ZFHX3: variants seen among roughly 807,000 people sequenced by gnomAD.
The protein encoded by ZFHX3 is zinc finger homeobox protein 3.
ZFHX3 carries 42 observed loss-of-function variants against 279.1 expected under a neutral mutation model. The ratio of observed to expected loss-of-function variants is 0.15; its 90% CI spans 0.12 to 0.19. The LOEUF (loss-of-function observed/expected upper bound fraction) is 0.19, where lower values mean the gene tolerates loss of function less well. Ranked by LOEUF, ZFHX3 falls within the 10% of genes least tolerant of loss-of-function variation. The pLI, the probability that ZFHX3 is intolerant of heterozygous loss-of-function variation, is 1.00. For missense variants in ZFHX3, 4,981 were observed against 4,754.0 expected, an observed-to-expected ratio of 1.05 and a Z score of -1.40; for synonymous variants, 2,293 against 1,957.8, an observed-to-expected ratio of 1.17 and a Z score of -4.52.
At chr16:73,653,489 A>G (rs930639560) in intron 2 of ZFHX3, among the ~76,000 whole-genome samples, 1 of 152,210 alleles carries the variant, frequency 6.6e-6, no homozygotes, top group Non-Finnish European at 1.5e-5. Flanking sequence ...GTTCTAAATA[A>G]CTATGGCTCA....
chr16:73,019,726 C>T (rs1964236123), intron 1 of ZFHX3, among the ~76,000 whole-genome samples: 1 of 152,160 alleles, frequency 6.6e-6, no homozygotes, highest in South Asian at 2.1e-4. Flanking sequence ...CCTAGAGAGC[C>T]TTCTCCGCTC....
chr16:73,407,562 G>A (rs567915901), intron 3 of ZFHX3, among the ~76,000 whole-genome samples: 94 of 152,304 alleles, frequency 6.2e-4, no homozygotes, highest in African/African-American at 2.0e-3. Context: ...ACAGCATGAG[G>A]GAGTGGCAGG....
At chr16:73,495,901 C>A (rs1366871348) in intron 2 of ZFHX3, among the ~76,000 whole-genome samples, 1 of 152,190 alleles carries the variant, frequency 6.6e-6, no homozygotes, top group Non-Finnish European at 1.5e-5. Context: ...TGTTTTCTTG[C>A]ATTTTAATTT....
At chr16:73,106,194 A>G (rs1302308227) in intron 7 of ZFHX3, among the ~76,000 whole-genome samples, 2 of 152,080 alleles carry the variant, frequency 1.3e-5, no homozygotes, top group African/African-American at 2.4e-5. Flanking sequence ...AAGATCTAGG[A>G]GCAAGGATCT....
rs547967719 is a variant in ZFHX3 at position 72,952,379 on chromosome 16, G to A, written c.2720-1414C>T. Among the ~76,000 whole-genome samples the A allele has an allele frequency of 2.6e-5, 4 of 152,254 alleles. No individual in the cohort carries two copies. The South Asian group carries it at 8.3e-4, about 32-fold the overall frequency. On this transcript the variant is annotated intron_variant, in intron 2 of 9. Transcript: ENST00000268489. ...AGTAGGGCTACCTGTTCTCTTTCCT[G>A]ATCCTCTGCCCTGGGTGACATGTGG...
intron 3 of ZFHX3, among the ~76,000 whole-genome samples, chr16:73,455,830 A>G (rs2018361973): frequency 1.3e-5 from 2 of 151,148 alleles, no homozygotes; most frequent in East Asian, 1.9e-4. Context: ...AGGGGGCCCA[A>G]TTGGAGCAAT....
At chr16:73,318,395 C>A (rs1175024980) in intron 3 of ZFHX3, 1 of 152,288 alleles carries the variant, frequency 6.6e-6, no homozygotes, top group South Asian at 2.1e-4. Context: ...CAGCTTCTCT[C>A]CCCTGGACCT....
chr16:73,814,284 C>T (rs1161154724), intron 1 of ZFHX3, among the ~76,000 whole-genome samples: 1 of 152,100 alleles, frequency 6.6e-6, no homozygotes, highest in Non-Finnish European at 1.5e-5. Context: ...GATTCTCTTT[C>T]TTACTGTAAA....
intron 1 of ZFHX3, among the ~76,000 whole-genome samples, chr16:73,760,331 G>A (rs369353772): frequency 1.2e-4 from 19 of 152,194 alleles, no homozygotes; most frequent in Admixed American, 5.9e-4. Context: ...AGGACCAGAC[G>A]GATTTACAGC....
chr16:73,694,385 C>G (rs2053176284), intron 1 of ZFHX3, among the ~76,000 whole-genome samples: 1 of 151,830 alleles, frequency 6.6e-6, no homozygotes, highest in Non-Finnish European at 1.5e-5. Flanking sequence ...GCTCTGTCGC[C>G]CAGGCTGGAG....
intron 1 of ZFHX3, among the ~76,000 whole-genome samples, chr16:73,787,649 G>T (rs76773594): frequency 0.035 from 5,292 of 152,160 alleles, 139 homozygotes; most frequent in African/African-American, 0.071. Context: ...TTTATTATGT[G>T]GTAAATCTGA....
chr16:73,450,876 G>A (rs1458396253), intron 3 of ZFHX3, among the ~76,000 whole-genome samples: 1 of 152,116 alleles, frequency 6.6e-6, no homozygotes, highest in Admixed American at 6.5e-5. Flanking sequence ...TTAATGTAGT[G>A]TATAGAGCAT....
intron 5 of ZFHX3, among the ~76,000 whole-genome samples, chr16:73,242,519 A>G (rs977609329): frequency 6.6e-6 from 1 of 152,350 alleles, no homozygotes; most frequent in South Asian, 2.1e-4. Flanking sequence ...AGCTATGAAC[A>G]GATAATACTC....
intron 4 of ZFHX3, among the ~76,000 whole-genome samples, chr16:72,833,590 C>T (rs1228742159): frequency 1.3e-5 from 2 of 152,186 alleles, no homozygotes; most frequent in Non-Finnish European, 2.9e-5. Flanking sequence ...CCATCTTCTC[C>T]TTCAAGCATT....
intron 3 of ZFHX3, among the ~76,000 whole-genome samples, chr16:73,371,224 T>A (rs1242091348): frequency 6.6e-6 from 1 of 151,508 alleles, no homozygotes; most frequent in Non-Finnish European, 1.5e-5. Flanking sequence ...GGAGAATCAC[T>A]TGAGCCCAGG....
chr16:73,384,323 T>C (rs2016863496), intron 3 of ZFHX3, among the ~76,000 whole-genome samples: 2 of 152,192 alleles, frequency 1.3e-5, no homozygotes, highest in South Asian at 4.1e-4. Flanking sequence ...AAGCCTGAAA[T>C]ATTTATTATT....
intron 3 of ZFHX3, among the ~76,000 whole-genome samples, chr16:73,366,896 T>C (rs1158745539): frequency 6.6e-6 from 1 of 152,166 alleles, no homozygotes; most frequent in African/African-American, 2.4e-5. Flanking sequence ...CTAAAGTTCT[T>C]TGACATAGCT....
intron 5 of ZFHX3, among the ~76,000 whole-genome samples, chr16:73,250,796 A>C (rs897767945): frequency 3.3e-5 from 5 of 152,206 alleles, no homozygotes; most frequent in African/African-American, 1.2e-4. Flanking sequence ...AGGCTCCCAA[A>C]GTGCTGGGAT....
chr16:73,446,144 T>C (rs899010525), intron 3 of ZFHX3, among the ~76,000 whole-genome samples: 7 of 152,154 alleles, frequency 4.6e-5, no homozygotes, highest in Admixed American at 3.3e-4. Context: ...TGTGGAATCT[T>C]AAGTCTGAGG....
Sources: allele counts gnomAD v4.1 joint callset (sites outside exome capture counted in the v4.1 genomes callset), GRCh38; gene constraint gnomAD v4.1.1; transcripts MANE v1.5; gene names NCBI Gene and HGNC (gene_info 2026-07-23, HGNC 2026-07-21).